Variants in ILRUN observed in about 807,000 individuals in gnomAD.
ILRUN encodes protein ILRUN.
In ILRUN, 3 loss-of-function variants were observed where a neutral mutation model predicts 33.8. That is an observed-to-expected ratio of 0.09 (90% CI 0.04 to 0.23). The LOEUF (loss-of-function observed/expected upper bound fraction) is 0.23. ILRUN is among the 10% of genes least tolerant of loss of function. The probability of loss-of-function intolerance (pLI) is 1.00; values close to 1 mark genes in which losing one functional copy is unlikely to be tolerated. For synonymous variants in ILRUN, 124 were observed against 138.9 expected, an observed-to-expected ratio of 0.89 and a Z score of 0.75; for missense variants, 210 against 375.1, an observed-to-expected ratio of 0.56 and a Z score of 3.64.
chr6:34,663,857 A>C (rs1376111752), intron 1 of ILRUN, among the ~76,000 whole-genome samples: 2 of 152,214 alleles, frequency 1.3e-5, no homozygotes, highest in African/African-American at 4.8e-5. Flanking sequence ...CGCAAAGAGG[A>C]ATTAAGGGTG....
chr6:34,635,353 A>T (rs1388389508), intron 3 of ILRUN, among the ~76,000 whole-genome samples: 3 of 151,930 alleles, frequency 2.0e-5, no homozygotes, highest in Non-Finnish European at 4.4e-5. Flanking sequence ...AACATAGCAA[A>T]ACCCCGTCTC....
chr6:34,659,202 T>C (rs1193483205), intron 1 of ILRUN, among the ~76,000 whole-genome samples: 1 of 152,182 alleles, frequency 6.6e-6, no homozygotes, highest in African/African-American at 2.4e-5. Flanking sequence ...TTTTCCTGCT[T>C]AGGGTGAAAG....
At chr6:34,676,499 T>G (rs6937784) in intron 1 of ILRUN, among the ~76,000 whole-genome samples, 66,648 of 150,018 alleles carry the variant, frequency 0.44, 16,802 homozygotes, top group African/African-American at 0.7. Context: ...TATGCAAAGA[T>G]AGAGAGAGAG....
At chr6:34,632,481 C>T (rs960561344) in intron 3 of ILRUN, among the ~76,000 whole-genome samples, 2 of 151,418 alleles carry the variant, frequency 1.3e-5, no homozygotes, top group African/African-American at 2.4e-5. Context: ...GATGGCAGAA[C>T]AAATGTTTCC....
At chr6:34,687,643 A>G (rs1349219793) in intron 1 of ILRUN, among the ~76,000 whole-genome samples, 1 of 150,404 alleles carries the variant, frequency 6.6e-6, no homozygotes, top group Non-Finnish European at 1.5e-5. Flanking sequence ...GGTTGCAGTG[A>G]GCCGAGATTG....
In ILRUN at chr6:34,667,716, T is replaced by C. The variant is rs550638716; in HGVS notation, c.159-12937A>G. 2.6e-5 allele frequency among the ~76,000 whole-genome samples: 4 copies of C among 152,306 alleles called. No homozygotes were observed. The South Asian group carries it at 8.3e-4, about 32-fold the overall frequency. ...GCAATAGAAGACATAGCATCATCTA[T>C]GTATTATTTCCAACAAAATAATCTG... On this transcript the variant is annotated intron_variant, in intron 1 of 4. Coordinates refer to ENST00000374023, the MANE Select transcript of ILRUN (RefSeq NM_024294.4).
chr6:34,596,463 C>A (rs1256750876), intron 4 of ILRUN, among the ~76,000 whole-genome samples: 1 of 152,124 alleles, frequency 6.6e-6, no homozygotes, highest in Non-Finnish European at 1.5e-5. Flanking sequence ...ACTACAGGCA[C>A]CATCATGCCC....
chr6:34,627,433 G>A (rs751494410), intron 3 of ILRUN, among the ~76,000 whole-genome samples: 1 of 152,204 alleles, frequency 6.6e-6, no homozygotes, highest in Non-Finnish European at 1.5e-5. Flanking sequence ...GAGCACAGCT[G>A]CTGATGGGAG....
intron 1 of ILRUN, among the ~76,000 whole-genome samples, chr6:34,687,262 T>C (rs1484317978): frequency 2.0e-5 from 3 of 152,086 alleles, no homozygotes; most frequent in Non-Finnish European, 4.4e-5. Flanking sequence ...AGGACTTAAA[T>C]GGTTATTTCT....
At chr6:34,657,590 G>T (rs1301121909) in intron 1 of ILRUN, among the ~76,000 whole-genome samples, 1 of 152,196 alleles carries the variant, frequency 6.6e-6, no homozygotes, top group Non-Finnish European at 1.5e-5. Flanking sequence ...CAGGAAGCTG[G>T]AGAGGATGAC....
chr6:34,688,064 T>G (rs1763563325), intron 1 of ILRUN, among the ~76,000 whole-genome samples: 3 of 151,678 alleles, frequency 2.0e-5, no homozygotes, highest in Admixed American at 2.0e-4. Context: ...AAACAAATTG[T>G]GATATGTATA....
At chr6:34,648,972 A>G (rs1044135694) in intron 2 of ILRUN, among the ~76,000 whole-genome samples, 1 of 152,226 alleles carries the variant, frequency 6.6e-6, no homozygotes, top group African/African-American at 2.4e-5. Context: ...TAGCTGTGCA[A>G]AAGGAGTGCT....
At position 34,654,510 on chromosome 6, in the gene ILRUN, G is replaced by T. The variant is rs185708420; in HGVS notation, c.313+115C>A. 1.0e-3 allele frequency: 1,103 copies of T among 1,054,480 alleles called. 2 individuals carry two copies. The highest frequency in any genetic ancestry group is 1.3e-3 in the Non-Finnish European group (960 of 728,496). The allele number at this position is 1,054,480 out of a possible 1,614,324, so 65.3% of individuals were successfully genotyped here. On this transcript the variant is annotated intron_variant, in intron 2 of 4. Transcript: ENST00000374023. ...TACAAGAAAATACTACATATCATGTGTAAGAGAAAGCTCGCAGTTACACAA... is the reference window on the plus strand; with the variant it reads ...TACAAGAAAATACTACATATCATGTTTAAGAGAAAGCTCGCAGTTACACAA...
intron 1 of ILRUN, among the ~76,000 whole-genome samples, chr6:34,658,580 G>T (rs528700907): frequency 2.6e-5 from 4 of 151,410 alleles, no homozygotes; most frequent in African/African-American, 9.7e-5. Flanking sequence ...GCCGAGGCGG[G>T]CAGATCGCCT....
rs550155283 is a variant in ILRUN, at chr6:34,626,897, C to T, written c.511+19704G>A. ...GTGCGCACTTGTAATCCCAGCTACT[C>T]GGGAGGCTGAGAAAGGGGAATTGCT... is the stretch of plus-strand genomic sequence containing the variant. On this transcript the variant is annotated intron_variant, in intron 3 of 4. Coordinates refer to ENST00000374023, the MANE Select transcript of ILRUN (RefSeq NM_024294.4). Among the ~76,000 whole-genome samples the T allele has an allele frequency of 1.6e-4, 25 of 151,878 alleles. No individual in the cohort carries two copies. In the South Asian group the frequency reaches 3.5e-3, roughly 22 times the overall value.
intron 1 of ILRUN, among the ~76,000 whole-genome samples, chr6:34,677,380 C>A (rs1763258553): frequency 6.6e-6 from 1 of 151,606 alleles, no homozygotes. Flanking sequence ...GTGAAAAAAA[C>A]AATAAATGAC....
intron 1 of ILRUN, among the ~76,000 whole-genome samples, chr6:34,689,339 G>A (rs1051006773): frequency 3.9e-5 from 6 of 151,976 alleles, no homozygotes; most frequent in South Asian, 4.1e-4. Context: ...ATAGTGAGAC[G>A]TCTCTAAAAA....
intron 3 of ILRUN, among the ~76,000 whole-genome samples, chr6:34,629,926 GT>G (rs1762210837): frequency 6.6e-6 from 1 of 152,060 alleles, no homozygotes; most frequent in Non-Finnish European, 1.5e-5. Flanking sequence ...TATATACTAT[GT>G]TCTTCCCTAT....
intron 4 of ILRUN, among the ~76,000 whole-genome samples, chr6:34,591,783 C>A (rs1269323815): frequency 1.3e-5 from 2 of 152,154 alleles, no homozygotes; most frequent in Non-Finnish European, 2.9e-5. Flanking sequence ...GCCACCGCGC[C>A]TGGCCAATCC....
Sources: allele counts gnomAD v4.1 joint callset (sites outside exome capture counted in the v4.1 genomes callset), GRCh38; gene constraint gnomAD v4.1.1; transcripts MANE v1.5; gene names NCBI Gene and HGNC (gene_info 2026-07-23, HGNC 2026-07-21).